TNN: variants seen among roughly 807,000 people sequenced by gnomAD.
The protein encoded by TNN is tenascin N.
Under a neutral mutation model 134.4 loss-of-function variants are expected in TNN, and 122 were observed. That is an observed-to-expected ratio of 0.91 (90% CI 0.78 to 1.06). TNN has a LOEUF of 1.06. TNN is among the 50% of genes least tolerant of loss of function. TNN has a pLI of 0.00. For synonymous variants in TNN, 710 were observed against 670.3 expected (o/e 1.06, Z -0.91); for missense variants, 1,739 against 1,699.4 (o/e 1.02, Z -0.41).
chr1:175,112,257 A>G (rs971001932), intron 9 of TNN, among the ~76,000 whole-genome samples: 8 of 150,864 alleles, frequency 5.3e-5, no homozygotes, highest in African/African-American at 1.7e-4. Context: ...ATTTTTTTTT[A>G]TTCTTCATTG....
chr1:175,082,262 A>C (rs1207203122), intron 4 of TNN, among the ~76,000 whole-genome samples: 1 of 152,086 alleles, frequency 6.6e-6, no homozygotes, highest in Non-Finnish European at 1.5e-5. Flanking sequence ...CCCCTCATCC[A>C]TCTTGCTCTC....
intron 11 of TNN, among the ~76,000 whole-genome samples, chr1:175,123,014 G>A (rs16847820): frequency 0.04 from 6,107 of 152,160 alleles, 370 homozygotes; most frequent in African/African-American, 0.13. Context: ...TTTATAAGTC[G>A]GAAAGGTTGG....
chr1:175,115,910 CCAG>C (rs1455301732), intron 9 of TNN, among the ~76,000 whole-genome samples: 1 of 152,138 alleles, frequency 6.6e-6, no homozygotes, highest in Non-Finnish European at 1.5e-5. Context: ...TTCCTGGTTT[CCAG>C]CTGCTCTTAC....
intron 6 of TNN, among the ~76,000 whole-genome samples, chr1:175,092,030 G>GC (rs1674462537): frequency 6.6e-6 from 1 of 152,198 alleles, no homozygotes; most frequent in Admixed American, 6.5e-5. Flanking sequence ...ACCTGGGGTT[G>GC]TACAGATGTG....
At chr1:175,098,806 G>A (rs779335699) in intron 9 of TNN, among the ~76,000 whole-genome samples, 1 of 152,158 alleles carries the variant, frequency 6.6e-6, no homozygotes, top group Non-Finnish European at 1.5e-5. Flanking sequence ...AAAGATGGCT[G>A]ATCACTGCAC....
In TNN at chr1:175,079,568, C is replaced by T. The variant is rs777684286; in HGVS notation, c.645C>T (p.Gly215=). 1.9e-6 allele frequency: 3 copies of T among 1,581,726 alleles called. No homozygotes were observed. The highest frequency in any genetic ancestry group is 2.6e-6 in the Non-Finnish European group (3 of 1,165,294). ...NCSGHGECVR[G]VCQCHEDFMS... Reference sequence around the variant, plus strand: ...GCGGACACGGCGAGTGCGTGCGCGGCGTGTGCCAGTGCCACGAAGACTTCA... The same window carrying T: ...GCGGACACGGCGAGTGCGTGCGCGGTGTGTGCCAGTGCCACGAAGACTTCA... Residue 215 remains glycine, a synonymous_variant, in exon 3 of 19, where the codon GGC becomes GGT. Coordinates refer to ENST00000239462, the MANE Select transcript of TNN (RefSeq NM_022093.2).
At chr1:175,109,115 T>C (rs1484704149) in intron 9 of TNN, among the ~76,000 whole-genome samples, 1 of 105,964 alleles carries the variant, frequency 9.4e-6, no homozygotes, top group Admixed American at 1.0e-4. Flanking sequence ...GGAGTCTCGC[T>C]CTGTCGCCCA....
rs1163656159 is a variant in TNN, at chr1:175,128,027, G to A, written c.3046-5G>A. ...TGGCTGTCTAATCTCTCCCTTGTTT[G>A]GTAGGAGATGCAGCTGGGACGGGAA... On this transcript the variant is annotated splice_region_variant and splice_polypyrimidine_tract_variant and intron_variant, in intron 13 of 18. Transcript: ENST00000239462. 14 of 1,614,086 alleles carry A rather than the reference G, an allele frequency of 8.7e-6. No individual in the cohort carries two copies. Among genetic ancestry groups the A allele is most frequent in the East Asian group, 2.2e-5 (1 of 44,882 alleles).
At position 175,079,618 on chromosome 1, in the gene TNN, G is replaced by C. The variant is rs768002782; in HGVS notation, c.695G>C (p.Arg232Pro). 1 of 1,601,802 alleles carries C rather than the reference G, an allele frequency of 6.2e-7. No individual in the cohort carries two copies. The highest frequency in any genetic ancestry group is 1.1e-5 in the South Asian group (1 of 89,292). ...DFMSEDCSEK[R>P]CPGDCSGHGF... ...ATGTCGGAGGACTGCAGCGAGAAGC[G>C]CTGTCCCGGCGACTGCAGCGGCCAC... The change falls in exon 3 of 19, where the codon CGC becomes CCC. Residue 232 changes from arginine to proline, a missense_variant. Transcript: ENST00000239462.
At chr1:175,074,555 CAAG>C (rs1315529981) in intron 1 of TNN, among the ~76,000 whole-genome samples, 2 of 148,128 alleles carry the variant, frequency 1.4e-5, no homozygotes, top group Non-Finnish European at 3.0e-5. Context: ...CACAAGACAA[CAAG>C]AAGTGTCCCA....
intron 7 of TNN, among the ~76,000 whole-genome samples, chr1:175,097,035 C>A (rs1273075174): frequency 6.6e-6 from 1 of 152,170 alleles, no homozygotes; most frequent in African/African-American, 2.4e-5. Context: ...CATATTAGAG[C>A]AGATGCAGAG....
chr1:175,114,497 A>T (rs1025509468), intron 9 of TNN, among the ~76,000 whole-genome samples: 1 of 152,226 alleles, frequency 6.6e-6, no homozygotes, highest in African/African-American at 2.4e-5. Flanking sequence ...GCATAGAAGC[A>T]GTTGCCATGA....
Position 175,123,600 on chromosome 1 carries a change from G to A in TNN, c.2851G>A (p.Val951Met). ...CCTGAGACCAGGCATGGAGTACATG[G>A]TGCACGTGTGGGCCCAGAAGGGGGC... ...TGLRPGMEYM[V>M]HVWAQKGAQE... is the part of the protein sequence containing the mutation. Residue 951 changes from valine (V) to methionine (M), a missense_variant, in exon 12 of 19, where the codon GTG becomes ATG. Coordinates refer to ENST00000239462, the MANE Select transcript of TNN (RefSeq NM_022093.2). The A allele has an allele frequency of 1.2e-6, 2 of 1,614,190 alleles. No homozygotes were observed. The highest frequency in any genetic ancestry group is 1.7e-6 in the Non-Finnish European group (2 of 1,180,028).
intron 6 of TNN, among the ~76,000 whole-genome samples, chr1:175,091,935 C>G (rs1674459701): frequency 6.6e-6 from 1 of 152,166 alleles, no homozygotes; most frequent in Admixed American, 6.5e-5. Context: ...CCCCACAAAG[C>G]CACAGGCCTC....
At chr1:175,110,826 C>T (rs1463355313) in intron 9 of TNN, among the ~76,000 whole-genome samples, 1 of 152,124 alleles carries the variant, frequency 6.6e-6, no homozygotes, top group Non-Finnish European at 1.5e-5. Context: ...GTTATTTTTG[C>T]TCAGGATTTC....
chr1:175,074,606 GTGCCTGAAA>G (rs1673996094), intron 1 of TNN, among the ~76,000 whole-genome samples: 1 of 151,992 alleles, frequency 6.6e-6, no homozygotes, highest in Admixed American at 6.6e-5. Context: ...GTTGAGTCCA[GTGCCTGAAA>G]TGCAGTCAGT....
chr1:175,133,917 G>A (rs781248517), intron 15 of TNN, among the ~76,000 whole-genome samples: 8 of 152,192 alleles, frequency 5.3e-5, no homozygotes, highest in Admixed American at 3.9e-4. Context: ...TGGCCCCATG[G>A]TGCATGGCAG....
In TNN at chr1:175,079,822, G is replaced by A. The variant is rs548942100; in HGVS notation, c.784+115G>A. 1.1e-4 allele frequency: 151 copies of A among 1,364,566 alleles called. 1 individual carries two copies. In the African/African-American group the frequency reaches 1.9e-3, roughly 17 times the overall value. The allele number at this position is 1,364,566 out of a possible 1,614,324, so 84.5% of individuals were successfully genotyped here. On this transcript the variant is annotated intron_variant, in intron 3 of 18. Transcript: ENST00000239462. ...CTCTTCCTTTAGCCTACGCCAGATT[G>A]CTGAGTCCCAACCCCAGAGTTTCTG...
At chr1:175,141,060 C>T (rs1675934356) in intron 17 of TNN, among the ~76,000 whole-genome samples, 1 of 152,184 alleles carries the variant, frequency 6.6e-6, no homozygotes, top group South Asian at 2.1e-4. Context: ...TTAAGGCTTG[C>T]TCCCCACTCA....
Sources: gnomAD v4.1 joint callset for allele counts (sites outside exome capture counted in the v4.1 genomes callset) on GRCh38, gnomAD v4.1.1 for gene constraint, MANE v1.5 for transcripts, NCBI Gene and HGNC (gene_info 2026-07-23, HGNC 2026-07-21) for gene names.